Variants in BTD observed in about 807,000 individuals in gnomAD.
BTD encodes the protein biotinidase, also known as biocytinase.
In BTD, 13 loss-of-function variants were observed where a neutral mutation model predicts 17.7. The observed-to-expected ratio is 0.74, with a 90% confidence interval of 0.48 to 1.17. BTD has a LOEUF of 1.17. BTD is among the 50% of genes most tolerant of loss of function. The probability of loss-of-function intolerance (pLI) is 0.00; values close to 1 mark genes in which losing one functional copy is unlikely to be tolerated. For synonymous variants in BTD, 240 were observed against 245.2 expected, an observed-to-expected ratio of 0.98 and a Z score of 0.20; for missense variants, 674 against 650.4, an observed-to-expected ratio of 1.04 and a Z score of -0.39.
chr3:15,650,522 A>G lies in BTD; in HGVS notation c.*5034A>G, dbSNP rs1395940661. On this transcript the variant is annotated 3_prime_UTR_variant, in exon 4 of 4. Transcript: ENST00000643237. Reference sequence around the variant, plus strand: ...GCCATTGCTGAATCTAGGGGCTCAAATGGTGTCTCTGGACACAGTATCACA... The same window carrying G: ...GCCATTGCTGAATCTAGGGGCTCAAGTGGTGTCTCTGGACACAGTATCACA... Among the ~76,000 whole-genome samples the G allele has an allele frequency of 6.6e-6, 1 of 152,142 alleles. No homozygotes were observed. Among genetic ancestry groups the G allele is most frequent in the Non-Finnish European group, 1.5e-5 (1 of 68,018 alleles).
chr3:15,606,944 GT>G (rs2064474495), intron 1 of BTD: 1 of 123,356 alleles, frequency 8.1e-6, no homozygotes, highest in African/African-American at 3.1e-5. Flanking sequence ...TTTTGTTGTT[GT>G]TTTTGGTTTT....
At chr3:15,657,396 T>C (rs2065881981), downstream of BTD, among the ~76,000 whole-genome samples, 1 of 152,352 alleles carries the variant, frequency 6.6e-6, no homozygotes, top group East Asian at 1.9e-4. Context: ...TCCTTGAATC[T>C]TTCCAATAAC....
rs2065199003 is a variant in BTD at position 15,631,354 on chromosome 3, T to G, written c.-16-4070T>G. Reference sequence around the variant, plus strand: ...AGATGTTTTATTTATCTTTTAAAGATTTTTTAATGTATGTATCTGCCTCTG... The same window carrying G: ...AGATGTTTTATTTATCTTTTAAAGAGTTTTTAATGTATGTATCTGCCTCTG... On this transcript the variant is annotated intron_variant, in intron 1 of 3. Coordinates refer to ENST00000643237, the MANE Select transcript of BTD (RefSeq NM_001370658.1). The G allele has an allele frequency of 3.9e-6, 4 of 1,033,528 alleles. No homozygotes were observed. The South Asian group carries it at 7.0e-5, about 18-fold the overall frequency. The allele number at this position is 1,033,528 out of a possible 1,614,324, so 64.0% of individuals were successfully genotyped here. A position where few individuals can be genotyped will look rare whatever the true frequency, so the allele number is the denominator to read the frequency against.
intron 1 of BTD, among the ~76,000 whole-genome samples, chr3:15,605,828 G>A (rs913056178): frequency 6.6e-6 from 1 of 152,108 alleles, no homozygotes; most frequent in African/African-American, 2.4e-5. Context: ...CAGATCATCT[G>A]AGGTCAGGAG....
chr3:15,620,311 G>A (rs771879636), intron 1 of BTD, among the ~76,000 whole-genome samples: 36 of 152,066 alleles, frequency 2.4e-4, no homozygotes, highest in African/African-American at 8.0e-4. Context: ...CAGAACGGCC[G>A]TTTATAGACC....
At chr3:15,615,318 C>T (rs2064761321) in intron 1 of BTD, among the ~76,000 whole-genome samples, 1 of 152,166 alleles carries the variant, frequency 6.6e-6, no homozygotes, top group Non-Finnish European at 1.5e-5. Context: ...ACTATTTTCC[C>T]CTGCTCAGAG....
At position 15,706,047 on chromosome 3, in the gene BTD, CAAAA is replaced by C. The variant is rs61336367; in HGVS notation, c.400-4010_400-4007del. Among the ~76,000 whole-genome samples the C allele has an allele frequency of 5.8e-3, 882 of 151,288 alleles. 8 individuals carry two copies. The highest frequency in any genetic ancestry group is 0.02 in the African/African-American group (813 of 41,190). The stretch of plus-strand genomic sequence containing the variant: ...CAACAAAAAAACCCACAAAAACAAA[CAAAA>C]AACCCCTAGAATTTTTTTTTTGTGT... On this transcript the variant is annotated intron_variant, in intron 3 of 3. Transcript: ENST00000672141.
At chr3:15,681,359 T>C (rs879473085) in intron 3 of BTD, among the ~76,000 whole-genome samples, 1 of 152,210 alleles carries the variant, frequency 6.6e-6, no homozygotes, top group Non-Finnish European at 1.5e-5. Flanking sequence ...CTGACTGTAT[T>C]GACTGTTCAT....
At chr3:15,705,777 G>A (rs1355798214) in intron 3 of BTD, among the ~76,000 whole-genome samples, 2 of 152,158 alleles carry the variant, frequency 1.3e-5, no homozygotes, top group Middle Eastern at 3.2e-3. Context: ...CAAGGTGGGC[G>A]GATCACTTAG....
rs2065316442 is a variant in BTD at position 15,635,351 on chromosome 3, C to T, written c.-16-73C>T. Reference sequence around the variant, plus strand: ...AGTTTAATTGCTGGGATTAATAAATCACAGCTGCAAACGTTAAATTCTTGG... The same window carrying T: ...AGTTTAATTGCTGGGATTAATAAATTACAGCTGCAAACGTTAAATTCTTGG... On this transcript the variant is annotated intron_variant, in intron 1 of 3. Transcript: ENST00000643237. The surrounding 1 kb of genome is among the most constrained non-coding windows in gnomAD (Gnocchi z 4.1). 1.2e-6 allele frequency: 2 copies of T among 1,604,896 alleles called. No homozygotes were observed. Among genetic ancestry groups the T allele is most frequent in the Non-Finnish European group, 1.7e-6 (2 of 1,173,858 alleles).
chr3:15,619,175 G>A (rs1208309285), intron 1 of BTD, among the ~76,000 whole-genome samples: 1 of 152,340 alleles, frequency 6.6e-6, no homozygotes, highest in East Asian at 1.9e-4. Context: ...GATGTTAGCT[G>A]TAGGTGGTTT....
At chr3:15,605,436 A>G (rs1411855754) in intron 1 of BTD, among the ~76,000 whole-genome samples, 2 of 152,222 alleles carry the variant, frequency 1.3e-5, no homozygotes, top group South Asian at 2.1e-4. Flanking sequence ...TATGGGAGCT[A>G]TAATTCAAGA....
chr3:15,631,694 T>C (rs1340570387), intron 1 of BTD, among the ~76,000 whole-genome samples: 1 of 152,214 alleles, frequency 6.6e-6, no homozygotes, highest in Non-Finnish European at 1.5e-5. Flanking sequence ...AAGATCAGGA[T>C]GCTTACTTCA....
At chr3:15,712,877 CAGAT>C (rs945197052), downstream of BTD, among the ~76,000 whole-genome samples, 5 of 151,992 alleles carry the variant, frequency 3.3e-5, no homozygotes, top group African/African-American at 7.3e-5. Flanking sequence ...AGTTACAAAA[CAGAT>C]AGGTGCAGTA....
chr3:15,688,614 G>A (rs1299463476), intron 3 of BTD, among the ~76,000 whole-genome samples: 1 of 152,158 alleles, frequency 6.6e-6, no homozygotes. Context: ...GAGTAACAGT[G>A]GGTGTTATCA....
chr3:15,616,048 C>T (rs1031115714), intron 1 of BTD, among the ~76,000 whole-genome samples: 7 of 152,094 alleles, frequency 4.6e-5, no homozygotes, highest in Non-Finnish European at 1.0e-4. Context: ...ATCCATTCAC[C>T]TACTGAAGAA....
intron 1 of BTD, among the ~76,000 whole-genome samples, chr3:15,602,525 C>CTTT (rs2064297841): frequency 2.0e-5 from 3 of 152,244 alleles, no homozygotes; most frequent in South Asian, 4.1e-4. Context: ...AGTCATTAGA[C>CTTT]CCTCTGCTCA....
chr3:15,695,155 C>T, intron 3 of BTD: 1 of 1,529,566 alleles, frequency 6.5e-7, no homozygotes, highest in Non-Finnish European at 9.0e-7. Flanking sequence ...CTGACCAATA[C>T]TAATTGGTGG....
intron 3 of BTD, among the ~76,000 whole-genome samples, chr3:15,696,510 G>A (rs1200430540): frequency 6.6e-6 from 1 of 151,984 alleles, no homozygotes; most frequent in African/African-American, 2.4e-5. Flanking sequence ...ATATGTGAAG[G>A]CTATCTTTTA....
Sources: gnomAD v4.1 joint callset for allele counts (sites outside exome capture counted in the v4.1 genomes callset) on GRCh38, gnomAD v4.1.1 for gene constraint, Gnocchi (gnomAD v3.1) non-coding constraint, MANE v1.5 for transcripts, NCBI Gene and HGNC (gene_info 2026-07-23, HGNC 2026-07-21) for gene names.